DMD: variants seen among roughly 807,000 people sequenced by gnomAD.
The protein encoded by DMD is mutant dystrophin.
In DMD, 63 loss-of-function variants were observed where a neutral mutation model predicts 330.1. That is an observed-to-expected ratio of 0.19 (90% CI 0.16 to 0.24). The LOEUF (loss-of-function observed/expected upper bound fraction) is 0.24, where lower values mean the gene tolerates loss of function less well. Among genes scored for constraint, DMD ranks in the 10% least tolerant of loss-of-function variants. DMD has a pLI of 1.00. For missense variants in DMD, 3,344 were observed against 2,684.1 expected, an observed-to-expected ratio of 1.25 and a Z score of -5.43; for synonymous variants, 1,223 against 959.8, an observed-to-expected ratio of 1.27 and a Z score of -5.07.
intron 13 of DMD, among the ~76,000 whole-genome samples, chrX:32,592,396 AC>A (rs2055021661): frequency 9.0e-6 from 1 of 110,885 alleles, no homozygotes; most frequent in Admixed American, 9.5e-5. Context: ...GGAAGGAGCT[AC>A]CTACTTTGTG....
At chrX:32,810,194 T>C (rs942630097) in intron 6 of DMD, among the ~76,000 whole-genome samples, 4 of 111,155 alleles carry the variant, frequency 3.6e-5, no homozygotes, top group Non-Finnish European at 7.5e-5. Flanking sequence ...GCAATAAAGA[T>C]GTGGGGAAAA....
At chrX:31,144,279 C>G (rs2036426793) in intron 76 of DMD, among the ~76,000 whole-genome samples, 1 of 111,451 alleles carries the variant, frequency 9.0e-6, no homozygotes, top group East Asian at 2.8e-4. Flanking sequence ...CCATCCTGAT[C>G]TACCACTGTC....
intron 44 of DMD, among the ~76,000 whole-genome samples, chrX:32,199,819 T>C (rs1289081018): frequency 1.2e-5 from 1 of 81,402 alleles, no homozygotes; most frequent in Non-Finnish European, 2.6e-5. Flanking sequence ...TGTGTGTGTG[T>C]GTGTGTGTAT....
chrX:32,460,372 T>C (rs1051239463), intron 25 of DMD, among the ~76,000 whole-genome samples: 2 of 110,290 alleles, frequency 1.8e-5, no homozygotes, highest in Non-Finnish European at 3.8e-5. Flanking sequence ...GTTTTTTTTT[T>C]CTACCTGGAC....
At chrX:31,946,987 G>A (rs931065918) in intron 45 of DMD, among the ~76,000 whole-genome samples, 1 of 111,406 alleles carries the variant, frequency 9.0e-6, no homozygotes, top group African/African-American at 3.3e-5. Flanking sequence ...AGAAAATATT[G>A]CATATATAAA....
chrX:32,192,136 T>C, intron 44 of DMD, among the ~76,000 whole-genome samples: 1 of 112,019 alleles, frequency 8.9e-6, no homozygotes, highest in Non-Finnish European at 1.9e-5. Flanking sequence ...ATTCTTAACA[T>C]GGATGCCGGG....
At chrX:31,573,589 G>C (rs1465318427) in intron 55 of DMD, among the ~76,000 whole-genome samples, 2 of 111,901 alleles carry the variant, frequency 1.8e-5, no homozygotes, top group African/African-American at 6.5e-5. Context: ...CAGTTAAACT[G>C]AAAGATCTAC....
intron 44 of DMD, among the ~76,000 whole-genome samples, chrX:32,156,430 A>G (rs1022121540): frequency 8.9e-6 from 1 of 112,348 alleles, no homozygotes; most frequent in Admixed American, 9.4e-5. Context: ...CACTGATAAC[A>G]ATACTTAGAA....
chrX:32,722,604 C>A (rs1395830769), intron 7 of DMD, among the ~76,000 whole-genome samples: 4 of 110,533 alleles, frequency 3.6e-5, no homozygotes, highest in South Asian at 3.8e-4. Context: ...GATATTTTCC[C>A]ATATATTTAC....
intron 34 of DMD, among the ~76,000 whole-genome samples, chrX:32,376,200 G>C (rs1347200625): frequency 9.0e-6 from 1 of 111,618 alleles, no homozygotes; most frequent in African/African-American, 3.3e-5. Flanking sequence ...AGAACTGCTT[G>C]AACCCAGGAG....
chrX:31,689,353 T>C (rs2082940671), intron 52 of DMD, among the ~76,000 whole-genome samples: 1 of 111,577 alleles, frequency 9.0e-6, no homozygotes, highest in Non-Finnish European at 1.9e-5. Context: ...AAATCATGAG[T>C]GAACTCTCAT....
At chrX:31,152,009 C>T (rs2037473259) in intron 74 of DMD, among the ~76,000 whole-genome samples, 1 of 111,911 alleles carries the variant, frequency 8.9e-6, no homozygotes, top group African/African-American at 3.3e-5. Context: ...CCCTTGCCTT[C>T]TCTGACAGGA....
chrX:31,566,925 G>A (rs2075498372), intron 55 of DMD, among the ~76,000 whole-genome samples: 1 of 111,408 alleles, frequency 9.0e-6, no homozygotes, highest in African/African-American at 3.3e-5. Flanking sequence ...TAATCCGTAA[G>A]TTGTGATGGC....
At chrX:31,547,253 T>A (rs1272816742) in intron 55 of DMD, among the ~76,000 whole-genome samples, 2 of 112,223 alleles carry the variant, frequency 1.8e-5, no homozygotes, top group Non-Finnish European at 3.8e-5. Flanking sequence ...TACAATTTCA[T>A]ATACACATGG....
intron 7 of DMD, among the ~76,000 whole-genome samples, chrX:32,708,692 G>T (rs1478268368): frequency 1.8e-5 from 2 of 111,160 alleles, no homozygotes; most frequent in Admixed American, 1.9e-4. Flanking sequence ...AATTAGAATG[G>T]CTCCATTTCC....
chrX:32,212,900 GA>G (rs1383578865), intron 44 of DMD, among the ~76,000 whole-genome samples: 18 of 110,182 alleles, frequency 1.6e-4, no homozygotes, highest in Non-Finnish European at 2.3e-4. Context: ...TGCGACAGAG[GA>G]AAAAAAATAG....
chrX:32,221,150 G>C (rs1309834932), intron 43 of DMD, among the ~76,000 whole-genome samples: 1 of 111,117 alleles, frequency 9.0e-6, no homozygotes, highest in Non-Finnish European at 1.9e-5. Flanking sequence ...GGGCCATTAA[G>C]GTGGTAGTAA....
At chrX:31,450,289 G>A (rs1275534052) in intron 59 of DMD, among the ~76,000 whole-genome samples, 3 of 111,638 alleles carry the variant, frequency 2.7e-5, no homozygotes, top group Non-Finnish European at 5.6e-5. Context: ...GCAATTACCC[G>A]GGAATTGGCA....
intron 60 of DMD, among the ~76,000 whole-genome samples, chrX:31,398,327 T>A (rs2148828056): frequency 8.9e-6 from 1 of 112,298 alleles, no homozygotes; most frequent in African/African-American, 3.2e-5. Context: ...TTATAAGGGC[T>A]TTCCAGGCAT....
Sources: allele counts gnomAD v4.1 joint callset (sites outside exome capture counted in the v4.1 genomes callset), GRCh38; gene constraint gnomAD v4.1.1; transcripts MANE v1.5; gene names NCBI Gene and HGNC (gene_info 2026-07-23, HGNC 2026-07-21).